The following SOX6 variants were observed in gnomAD, a reference collection of about 807,000 sequenced individuals.
SOX6 encodes the protein transcription factor SOX-6.
SOX6 carries 11 observed loss-of-function variants against 97.8 expected under a neutral mutation model. That is an observed-to-expected ratio of 0.11 (90% CI 0.07 to 0.19). The LOEUF is 0.19. Ranked by LOEUF, SOX6 falls within the 10% of genes least tolerant of loss-of-function variation. The pLI, the probability that SOX6 is intolerant of heterozygous loss-of-function variation, is 1.00. For synonymous variants in SOX6, 360 were observed against 371.4 expected (o/e 0.97, Z 0.35); for missense variants, 810 against 1,039.5 (o/e 0.78, Z 3.04).
chr11:16,138,546 T>C (rs917603742), intron 6 of SOX6, among the ~76,000 whole-genome samples: 1 of 152,052 alleles, frequency 6.6e-6, no homozygotes. Context: ...TTTTTTTATT[T>C]TTTTTATTTT....
chr11:16,189,444 C>T (rs1851573936), intron 4 of SOX6, among the ~76,000 whole-genome samples: 1 of 151,176 alleles, frequency 6.6e-6, no homozygotes, highest in Admixed American at 6.6e-5. Context: ...TGTGTGTACA[C>T]ATATGTTGGG....
intron 4 of SOX6, among the ~76,000 whole-genome samples, chr11:16,204,009 C>T (rs528596784): frequency 5.3e-5 from 8 of 151,930 alleles, no homozygotes; most frequent in Admixed American, 2.6e-4. Flanking sequence ...AAAAAGTTTA[C>T]GTGAGGCAAT....
At chr11:16,055,944 C>T (rs746957567) in intron 9 of SOX6, 43 bp from the exon 10 acceptor site, 4 of 1,608,064 alleles carry the variant, frequency 2.5e-6, no homozygotes, top group East Asian at 4.5e-5. Context: ...TTAAATGCAG[C>T]TGAAATTGAG....
At chr11:16,349,482 G>A (rs772624360) in intron 1 of SOX6, among the ~76,000 whole-genome samples, 7 of 151,954 alleles carry the variant, frequency 4.6e-5, no homozygotes, top group Non-Finnish European at 5.9e-5. Flanking sequence ...CACCCATGGC[G>A]GTGCGCGCCT....
chr11:16,705,838 T>C (rs571818178), intron 3 of SOX6, among the ~76,000 whole-genome samples: 59 of 152,018 alleles, frequency 3.9e-4, no homozygotes, highest in Non-Finnish European at 7.5e-4. Flanking sequence ...AACCAAAATA[T>C]ATTTTAGTAA....
intron 4 of SOX6, among the ~76,000 whole-genome samples, chr11:16,227,196 TG>T (rs1852712622): frequency 5.3e-5 from 8 of 152,218 alleles, no homozygotes. Flanking sequence ...AATTATTTAT[TG>T]ACAGGAAACA....
intron 15 of SOX6, among the ~76,000 whole-genome samples, chr11:15,980,798 T>C (rs1212116323): frequency 3.3e-5 from 5 of 152,190 alleles, no homozygotes; most frequent in Non-Finnish European, 7.4e-5. Flanking sequence ...CTCTGAGCTT[T>C]ATTTGCTCTT....
chr11:16,383,097 C>G (rs573763473), intron 1 of SOX6, among the ~76,000 whole-genome samples: 1 of 152,066 alleles, frequency 6.6e-6, no homozygotes, highest in East Asian at 1.9e-4. Flanking sequence ...ACTCACGATT[C>G]CATGAGTCAT....
chr11:16,071,997 G>A (rs571410537), intron 9 of SOX6, among the ~76,000 whole-genome samples: 14 of 151,758 alleles, frequency 9.2e-5, no homozygotes, highest in African/African-American at 2.4e-4. Flanking sequence ...AAGAACCAGC[G>A]CAAGAACTCT....
At chr11:16,567,729 G>C (rs1043705429) in intron 4 of SOX6, among the ~76,000 whole-genome samples, 3 of 89,336 alleles carry the variant, frequency 3.4e-5, no homozygotes, top group African/African-American at 1.4e-4. Flanking sequence ...ACCACGCCTG[G>C]CTGATTTTTT....
At chr11:16,436,077 TA>T (rs931337320) in intron 1 of SOX6, among the ~76,000 whole-genome samples, 1 of 152,170 alleles carries the variant, frequency 6.6e-6, no homozygotes, top group African/African-American at 2.4e-5. Context: ...CTCATTCTTC[TA>T]AAATTCTCAA....
intron 6 of SOX6, among the ~76,000 whole-genome samples, chr11:16,140,661 T>C (rs749347293): frequency 5.9e-5 from 9 of 152,210 alleles, no homozygotes; most frequent in Non-Finnish European, 8.8e-5. Context: ...TAAAGGCATG[T>C]ACATGACTAA....
At chr11:16,125,872 A>AAGGAAGGAAGGG (rs1849598118) in intron 6 of SOX6, among the ~76,000 whole-genome samples, 1 of 148,718 alleles carries the variant, frequency 6.7e-6, no homozygotes, top group Non-Finnish European at 1.5e-5. Flanking sequence ...GGAAGGAAGG[A>AAGGAAGGAAGGG]AGGAAAGTTT....
intron 14 of SOX6, among the ~76,000 whole-genome samples, chr11:15,987,557 C>T (rs1321016698): frequency 6.6e-6 from 1 of 152,058 alleles, no homozygotes; most frequent in East Asian, 1.9e-4. Flanking sequence ...ATATAGATTC[C>T]CCACAGCTGC....
chr11:16,380,302 C>T (rs1413047852), intron 1 of SOX6, among the ~76,000 whole-genome samples: 1 of 152,006 alleles, frequency 6.6e-6, no homozygotes, highest in Non-Finnish European at 1.5e-5. Flanking sequence ...AAGATCCCAT[C>T]TTTCCTTTAA....
At chr11:16,395,774 A>G (rs1858336175) in intron 1 of SOX6, among the ~76,000 whole-genome samples, 1 of 151,882 alleles carries the variant, frequency 6.6e-6, no homozygotes. Flanking sequence ...ATGGGAATGA[A>G]AGACACAAAA....
intron 4 of SOX6, among the ~76,000 whole-genome samples, chr11:16,601,154 A>G (rs1590002017): frequency 6.6e-6 from 1 of 152,202 alleles, no homozygotes; most frequent in East Asian, 1.9e-4. Flanking sequence ...GCAGGTTTCT[A>G]TAATAAAATC....
chr11:16,185,870 C>T (rs180757997), intron 5 of SOX6, among the ~76,000 whole-genome samples: 6 of 152,212 alleles, frequency 3.9e-5, no homozygotes, highest in Admixed American at 6.6e-5. Context: ...AAATACCAGA[C>T]ATCACAACTC....
intron 1 of SOX6, among the ~76,000 whole-genome samples, chr11:16,405,400 T>C (rs1423206234): frequency 6.6e-6 from 1 of 151,932 alleles, no homozygotes; most frequent in African/African-American, 2.4e-5. Flanking sequence ...CCTTTCCAAG[T>C]AATATGATGA....
Sources: allele counts gnomAD v4.1 joint callset (sites outside exome capture counted in the v4.1 genomes callset), GRCh38; gene constraint gnomAD v4.1.1; transcripts MANE v1.5; gene names NCBI Gene and HGNC (gene_info 2026-07-23, HGNC 2026-07-21).